The following SLC25A28 variants were observed in gnomAD, a reference collection of about 807,000 sequenced individuals.
The protein encoded by SLC25A28 is solute carrier family 25 member 28, also known as mitoferrin-2.
SLC25A28 carries 10 observed loss-of-function variants against 31.9 expected under a neutral mutation model. The observed-to-expected ratio is 0.31, with a 90% CI of 0.19 to 0.53. SLC25A28 has a LOEUF of 0.53. Ranked by LOEUF, SLC25A28 falls within the 20% of genes least tolerant of loss-of-function variation. The probability of loss-of-function intolerance (pLI) is 0.95; values close to 1 mark genes in which losing one functional copy is unlikely to be tolerated. For missense variants in SLC25A28, 256 were observed against 490.3 expected (o/e 0.52, Z 4.51); for synonymous variants, 208 against 203.6 (o/e 1.02, Z -0.19).
rs1055441448 is a variant in SLC25A28 at position 99,611,476 on chromosome 10, G to C, written c.578-110C>G. The C allele has an allele frequency of 7.2e-7, 1 of 1,380,410 alleles. No homozygotes were observed. 85.5% of individuals were successfully genotyped at this position (1,380,410 alleles called of 1,614,324 possible). ...CAGATCAGCCAATGGAATAGAGAGAGAAAAAAGTATGAGTGAGCTGCTGGC... is the reference window on the plus strand; with the variant it reads ...CAGATCAGCCAATGGAATAGAGAGACAAAAAAGTATGAGTGAGCTGCTGGC... On this transcript the variant is annotated intron_variant, in intron 3 of 3. Transcript: ENST00000370495. This position sits in a 1 kb window ranked among gnomAD's most constrained non-coding sequence, Gnocchi z 5.5.
At chr10:99,657,966 G>T in the SLC25A28 span, among the ~76,000 whole-genome samples, 1 of 152,028 alleles carries the variant, frequency 6.6e-6, no homozygotes, top group Non-Finnish European at 1.5e-5. Flanking sequence ...CAGGAAGACT[G>T]CTTGAGCCCA....
At chr10:99,639,139 G>T in the SLC25A28 span, among the ~76,000 whole-genome samples, 1 of 151,616 alleles carries the variant, frequency 6.6e-6, no homozygotes, top group Non-Finnish European at 1.5e-5. Context: ...ATATATGAGG[G>T]AATACTACTC....
At chr10:99,644,775 C>G in the SLC25A28 span, among the ~76,000 whole-genome samples, 85 of 152,168 alleles carry the variant, frequency 5.6e-4, no homozygotes, top group Admixed American at 5.1e-3. Context: ...CTCAGCATTT[C>G]CTTGTCTGTA....
chr10:99,619,320 T>C (rs758601372), intron 1 of SLC25A28: 14 of 985,328 alleles, frequency 1.4e-5, no homozygotes, highest in Non-Finnish European at 1.4e-5. Context: ...CAAAGAAATA[T>C]GCTATCAGTT....
upstream of SLC25A28, chr10:99,622,803 C>T: frequency 1.7e-6 from 1 of 576,500 alleles, no homozygotes; most frequent in Non-Finnish European, 2.2e-6. Context: ...CATTGGAACC[C>T]TATCTTTATT....
chr10:99,616,062 A>C (rs1412326), intron 1 of SLC25A28: 855,417 of 985,208 alleles, frequency 0.87, 371,907 homozygotes, highest in Middle Eastern at 0.9. Flanking sequence ...TATAAAAATG[A>C]ATATGGCTCC....
At chr10:99,625,721 G>A in the SLC25A28 span, among the ~76,000 whole-genome samples, 1 of 152,214 alleles carries the variant, frequency 6.6e-6, no homozygotes, top group Non-Finnish European at 1.5e-5. Context: ...TGGGATGTGA[G>A]GGAAAGTGAT....
At chr10:99,631,032 A>G in the SLC25A28 span, among the ~76,000 whole-genome samples, 2 of 152,296 alleles carry the variant, frequency 1.3e-5, no homozygotes, top group African/African-American at 4.8e-5. Context: ...TTTTCTGGAC[A>G]AAGAAAACAT....
At chr10:99,640,406 C>T in the SLC25A28 span, among the ~76,000 whole-genome samples, 17 of 152,264 alleles carry the variant, frequency 1.1e-4, no homozygotes, top group East Asian at 3.1e-3. Flanking sequence ...TAAGTGTCTT[C>T]ATGACATGGT....
the SLC25A28 span, among the ~76,000 whole-genome samples, chr10:99,646,116 G>T: frequency 6.6e-6 from 1 of 152,228 alleles, no homozygotes; most frequent in Non-Finnish European, 1.5e-5. Context: ...TAAGTCTGTA[G>T]AAGTTTCTGC....
At chr10:99,645,515 G>C in the SLC25A28 span, among the ~76,000 whole-genome samples, 1 of 152,142 alleles carries the variant, frequency 6.6e-6, no homozygotes. Flanking sequence ...CTTTAGCTTA[G>C]AGAAGTTTGT....
the SLC25A28 span, among the ~76,000 whole-genome samples, chr10:99,632,839 T>A: frequency 2.6e-5 from 4 of 152,192 alleles, no homozygotes; most frequent in South Asian, 8.3e-4. Flanking sequence ...TGGGACTAGG[T>A]CATATGTGAC....
At chr10:99,620,949 C>A, upstream of SLC25A28, 1 of 957,506 alleles carries the variant, frequency 1.0e-6, no homozygotes, top group Non-Finnish European at 1.2e-6. Context: ...TTACGACCCG[C>A]GCTCCCGTGC....
the SLC25A28 span, among the ~76,000 whole-genome samples, chr10:99,635,819 T>C: frequency 1.8e-4 from 27 of 152,198 alleles, no homozygotes; most frequent in Non-Finnish European, 1.8e-4. Flanking sequence ...TAGGGGCAGC[T>C]ATTCTTATAT....
At chr10:99,633,956 T>C in the SLC25A28 span, among the ~76,000 whole-genome samples, 1 of 152,096 alleles carries the variant, frequency 6.6e-6, no homozygotes, top group African/African-American at 2.4e-5. Flanking sequence ...GAGAGACCAA[T>C]AGACAGTTCA....
At chr10:99,650,444 G>A in the SLC25A28 span, among the ~76,000 whole-genome samples, 2 of 151,946 alleles carry the variant, frequency 1.3e-5, no homozygotes, top group Non-Finnish European at 2.9e-5. Context: ...ATGTGTAGGA[G>A]AGCCTGGTTT....
the SLC25A28 span, among the ~76,000 whole-genome samples, chr10:99,658,320 CG>C: frequency 5.3e-5 from 8 of 152,260 alleles, no homozygotes; most frequent in African/African-American, 1.9e-4. Context: ...TCTTCCTCCC[CG>C]ATCCCCCCCA....
the SLC25A28 span, among the ~76,000 whole-genome samples, chr10:99,647,249 A>G: frequency 1.3e-5 from 2 of 152,216 alleles, no homozygotes. Flanking sequence ...ACTGTTTTCC[A>G]TAAAGGTTGT....
chr10:99,612,978 T>G (rs2034565160), intron 2 of SLC25A28, among the ~76,000 whole-genome samples: 1 of 152,090 alleles, frequency 6.6e-6, no homozygotes, highest in Non-Finnish European at 1.5e-5. Context: ...TGGTCAGATC[T>G]CACAGAACCT....
Sources: allele counts gnomAD v4.1 joint callset (sites outside exome capture counted in the v4.1 genomes callset), GRCh38; gene constraint gnomAD v4.1.1; non-coding constraint Gnocchi (gnomAD v3.1); transcripts MANE v1.5; gene names NCBI Gene and HGNC (gene_info 2026-07-23, HGNC 2026-07-21).